SEC23A: variants seen among roughly 807,000 people sequenced by gnomAD.
SEC23A encodes SEC23 homolog A, COPII component, also known as protein transport protein Sec23A.
SEC23A carries 56 observed loss-of-function variants against 103.7 expected under a neutral mutation model. That is an observed-to-expected ratio of 0.54 (90% CI 0.44 to 0.67). The LOEUF is 0.67. SEC23A is among the 30% of genes least tolerant of loss of function. The pLI, the probability that SEC23A is intolerant of heterozygous loss-of-function variation, is 0.00. For synonymous variants in SEC23A, 281 were observed against 293.0 expected (o/e 0.96, Z 0.42); for missense variants, 784 against 936.4 (o/e 0.84, Z 2.12).
At position 39,040,854 on chromosome 14, in the gene SEC23A, C is replaced by A; in HGVS notation, c.2020G>T (p.Asp674Tyr). Residue 674 changes from aspartate (D) to tyrosine (Y), a missense_variant, in exon 18 of 20, where the codon GAT becomes TAT. This residue lies in a region of SEC23A where 101 missense variants were observed against 162.2 expected (regional missense o/e 0.62). Coordinates refer to ENST00000307712, the MANE Select transcript of SEC23A (RefSeq NM_006364.4). ...CGGAAATTTTCATACTCAGGCATAT[C>A]CTGGTATCCTGACTTCCGCCACTGT... ...IAQWRKSGYQ[D>Y]MPEYENFRHL... 1.2e-6 allele frequency: 2 copies of A among 1,614,142 alleles called. No individual in the cohort carries two copies. Among genetic ancestry groups the A allele is most frequent in the Non-Finnish European group, 1.7e-6 (2 of 1,180,020 alleles).
At chr14:39,050,653 G>A (rs1886023264) in intron 14 of SEC23A, among the ~76,000 whole-genome samples, 1 of 152,112 alleles carries the variant, frequency 6.6e-6, no homozygotes, top group South Asian at 2.1e-4. Flanking sequence ...AACAGAAAAG[G>A]CCAGGAGTCA....
At chr14:39,080,572 A>C (rs1160643878) in intron 7 of SEC23A, among the ~76,000 whole-genome samples, 7 of 151,878 alleles carry the variant, frequency 4.6e-5, no homozygotes, top group Non-Finnish European at 7.4e-5. Context: ...CCCCCGGCTA[A>C]TTTTTGTATT....
rs59260008 is a variant in SEC23A, at chr14:39,065,997, CAAAAAAAAAAAAA to C, written c.1228-1017_1228-1005del. On this transcript the variant is annotated intron_variant, in intron 10 of 19. Coordinates refer to ENST00000307712, the MANE Select transcript of SEC23A (RefSeq NM_006364.4). ...GGGCAATAAGAGCGAAACTCCATCT[CAAAAAAAAAAAAA>C]AAAAAAAAAAAAAAAAAAAAAAACT... Among the ~76,000 whole-genome samples the C allele has an allele frequency of 5.3e-4, 43 of 80,490 alleles. No individual in the cohort carries two copies. In the East Asian group the frequency reaches 8.9e-3, roughly 17 times the overall value. 52.8% of individuals were successfully genotyped at this position (80,490 alleles called of 152,430 possible).
At chr14:39,096,643 G>A (rs1337961100) in intron 1 of SEC23A, among the ~76,000 whole-genome samples, 1 of 151,950 alleles carries the variant, frequency 6.6e-6, no homozygotes. Flanking sequence ...GGCCCAATAA[G>A]AGGTATTTAA....
chr14:39,063,309 T>C lies in SEC23A; in HGVS notation c.1398+15A>G. 1 of 1,459,216 alleles carries C rather than the reference T, an allele frequency of 6.9e-7. No homozygotes were observed. The allele number at this position is 1,459,216 out of a possible 1,614,324, so 90.4% of individuals were successfully genotyped here. A position where few individuals can be genotyped will look rare whatever the true frequency, so the allele number is the denominator to read the frequency against. On this transcript the variant is annotated intron_variant, in intron 12 of 19. Coordinates refer to ENST00000307712, the MANE Select transcript of SEC23A (RefSeq NM_006364.4). ...TACGTTGTACGTTTTGATATTCAGA[T>C]GTAGAAAGTCATACCTGATTGACAA... is the stretch of plus-strand genomic sequence containing the variant.
intron 1 of SEC23A, among the ~76,000 whole-genome samples, chr14:39,100,956 GC>G (rs1888070432): frequency 6.6e-6 from 1 of 151,402 alleles, no homozygotes; most frequent in African/African-American, 2.4e-5. Flanking sequence ...CGATTCTCCC[GC>G]CTCAGCCTCC....
chr14:39,090,020 T>C (rs1477929055), intron 5 of SEC23A, among the ~76,000 whole-genome samples: 2 of 152,218 alleles, frequency 1.3e-5, no homozygotes, highest in Non-Finnish European at 2.9e-5. Flanking sequence ...ATTCATTGAC[T>C]AACGCATTCA....
chr14:39,089,500 A>G (rs1887585465), intron 5 of SEC23A, among the ~76,000 whole-genome samples: 1 of 152,018 alleles, frequency 6.6e-6, no homozygotes, highest in South Asian at 2.1e-4. Flanking sequence ...AATCCCTACT[A>G]TGTCTTCCTA....
intron 19 of SEC23A, among the ~76,000 whole-genome samples, chr14:39,037,888 A>C (rs959323820): frequency 6.6e-6 from 1 of 152,082 alleles, no homozygotes; most frequent in African/African-American, 2.4e-5. Context: ...TCCTTTCACC[A>C]TCTTGCCTTT....
chr14:39,032,180 T>C lies in SEC23A; in HGVS notation c.*1059A>G, dbSNP rs1393222639. 6.6e-6 allele frequency: 1 copy of C among 152,638 alleles called. No individual in the cohort carries two copies. The highest frequency in any genetic ancestry group is 1.9e-4 in the East Asian group (1 of 5,200). The allele number at this position is 152,638 out of a possible 1,614,324, so 9.5% of individuals were successfully genotyped here. ...GTCAAAACATATCTGGCTTTATCAA[T>C]GTAAACATATTTGCTACAAGTAAAC... On this transcript the variant is annotated 3_prime_UTR_variant, in exon 20 of 20. Transcript: ENST00000307712.
chr14:39,054,443 G>A (rs149641075), intron 14 of SEC23A, among the ~76,000 whole-genome samples: 72 of 152,168 alleles, frequency 4.7e-4, no homozygotes, highest in African/African-American at 1.7e-3. Context: ...TCTATATTTT[G>A]CATGTTAATA....
intron 19 of SEC23A, among the ~76,000 whole-genome samples, chr14:39,034,181 G>GGA (rs1283910963): frequency 6.6e-6 from 1 of 152,136 alleles, no homozygotes; most frequent in African/African-American, 2.4e-5. Flanking sequence ...TCCCTTACTG[G>GGA]GATTAAGGGC....
At chr14:39,098,635 C>T (rs1277974374) in intron 1 of SEC23A, among the ~76,000 whole-genome samples, 5 of 151,566 alleles carry the variant, frequency 3.3e-5, no homozygotes, top group Non-Finnish European at 7.4e-5. Context: ...ATTAGCTGAG[C>T]TGGTGGTGAG....
intron 3 of SEC23A, 142 bp from the exon 4 acceptor site, chr14:39,092,769 T>G (rs1371488556): frequency 1.9e-5 from 12 of 615,826 alleles, no homozygotes; most frequent in Non-Finnish European, 3.1e-5. Context: ...TTTGTATCTT[T>G]TTTTAAATAT....
intron 8 of SEC23A, among the ~76,000 whole-genome samples, chr14:39,075,203 C>T (rs1886974975): frequency 6.6e-6 from 1 of 152,070 alleles, no homozygotes; most frequent in Non-Finnish European, 1.5e-5. Context: ...ATACAAAAAG[C>T]AGTAAGATAA....
chr14:39,099,965 C>T (rs927798056), intron 1 of SEC23A, among the ~76,000 whole-genome samples: 2 of 151,974 alleles, frequency 1.3e-5, no homozygotes, highest in African/African-American at 4.8e-5. Flanking sequence ...AGAAAGGTTC[C>T]AGGAGTCTTA....
intron 19 of SEC23A, among the ~76,000 whole-genome samples, chr14:39,036,164 C>G (rs188160835): frequency 6.6e-6 from 1 of 151,364 alleles, no homozygotes; most frequent in East Asian, 1.9e-4. Flanking sequence ...ACTAAAAATA[C>G]CAAAAAAATT....
Position 39,048,645 on chromosome 14 carries a change from T to A in SEC23A, c.1737+7A>T. On this transcript the variant is annotated splice_region_variant and intron_variant, in intron 15 of 19. Coordinates refer to ENST00000307712, the MANE Select transcript of SEC23A (RefSeq NM_006364.4). ...AAGAAAAGAATATGGACCTTTTACC[T>A]ACTTACCTGTGGATAAAGGGAGAAA... is the stretch of plus-strand genomic sequence containing the variant. 1 of 1,559,528 alleles carries A rather than the reference T, an allele frequency of 6.4e-7. No individual in the cohort carries two copies. Among genetic ancestry groups the A allele is most frequent in the Non-Finnish European group, 8.8e-7 (1 of 1,130,524 alleles).
intron 11 of SEC23A, 62 bp downstream of exon 11, chr14:39,064,851 A>T: frequency 1.7e-6 from 2 of 1,199,900 alleles, no homozygotes; most frequent in Non-Finnish European, 2.5e-6. Flanking sequence ...AGTACCTGGG[A>T]TTACAGGTGC....
Sources: allele counts gnomAD v4.1 joint callset (sites outside exome capture counted in the v4.1 genomes callset), GRCh38; gene constraint gnomAD v4.1.1; regional missense constraint gnomAD v4.1.1; transcripts MANE v1.5; gene names NCBI Gene and HGNC (gene_info 2026-07-23, HGNC 2026-07-21).